The following ABTB2 variants were observed in gnomAD, a reference collection of about 807,000 sequenced individuals.
ABTB2 encodes the protein ankyrin repeat and BTB/POZ domain-containing protein 2.
In ABTB2, 56 loss-of-function variants were observed where a neutral mutation model predicts 104.1. That is an observed-to-expected ratio of 0.54 (90% confidence interval 0.43 to 0.67). ABTB2 has a LOEUF of 0.67. ABTB2 is among the 30% of genes least tolerant of loss of function. The pLI is 0.00. For missense variants in ABTB2, 1,279 were observed against 1,407.7 expected (o/e 0.91, Z 1.46); for synonymous variants, 606 against 608.2 (o/e 1.00, Z 0.05).
intron 1 of ABTB2, among the ~76,000 whole-genome samples, chr11:34,288,861 T>C (rs1854534760): frequency 6.6e-6 from 1 of 152,204 alleles, no homozygotes; most frequent in African/African-American, 2.4e-5. Flanking sequence ...TGGACGTTCC[T>C]GCATCTGGTC....
chr11:34,282,620 A>T (rs1056828243), intron 1 of ABTB2, among the ~76,000 whole-genome samples: 1 of 150,524 alleles, frequency 6.6e-6, no homozygotes, highest in Non-Finnish European at 1.5e-5. Context: ...TCCACCTCCC[A>T]GGTTCAGGTA....
chr11:34,172,480 A>G (rs1852897121), intron 4 of ABTB2, among the ~76,000 whole-genome samples: 1 of 150,302 alleles, frequency 6.7e-6, no homozygotes, highest in Admixed American at 6.7e-5. Context: ...ATAGATAGAT[A>G]GATAAAAGGC....
chr11:34,296,824 C>T (rs1202529837), intron 1 of ABTB2, among the ~76,000 whole-genome samples: 2 of 152,210 alleles, frequency 1.3e-5, no homozygotes, highest in African/African-American at 2.4e-5. Flanking sequence ...CATATCTAGA[C>T]ATTGCAGAAA....
intron 1 of ABTB2, among the ~76,000 whole-genome samples, chr11:34,347,955 G>C (rs924658984): frequency 6.6e-6 from 1 of 152,140 alleles, no homozygotes; most frequent in African/African-American, 2.4e-5. Flanking sequence ...TCCTGCTTTG[G>C]CAAGAGTCGA....
chr11:34,179,430 A>T (rs1852998312), intron 3 of ABTB2, among the ~76,000 whole-genome samples: 2 of 152,200 alleles, frequency 1.3e-5, no homozygotes, highest in Non-Finnish European at 2.9e-5. Context: ...GATGGCTAGG[A>T]CAAAGCTGGT....
At chr11:34,324,922 C>T (rs1855050958) in intron 1 of ABTB2, among the ~76,000 whole-genome samples, 2 of 152,246 alleles carry the variant, frequency 1.3e-5, no homozygotes, top group Non-Finnish European at 2.9e-5. Context: ...TCAGAGTCCA[C>T]ATCTGAAAAG....
chr11:34,216,871 T>A (rs201202500), intron 1 of ABTB2, among the ~76,000 whole-genome samples: 1 of 152,104 alleles, frequency 6.6e-6, no homozygotes, highest in Non-Finnish European at 1.5e-5. Context: ...CTAAAACAGG[T>A]CCCGGGCAGA....
At chr11:34,313,670 G>C (rs1854885809) in intron 1 of ABTB2, among the ~76,000 whole-genome samples, 1 of 152,158 alleles carries the variant, frequency 6.6e-6, no homozygotes, top group Non-Finnish European at 1.5e-5. Context: ...ACGAAAGTGG[G>C]AGAGATGCCA....
chr11:34,165,267 A>T lies in ABTB2; in HGVS notation c.1845T>A (p.Ser615=), dbSNP rs1852781944. Residue 615 remains serine (S), a synonymous_variant, in exon 8 of 17, where the codon TCT becomes TCA. Coordinates refer to ENST00000435224, the MANE Select transcript of ABTB2 (RefSeq NM_145804.3). ...SYAETPLQLA[S]AAGNYELVSL... Reference sequence around the variant, plus strand: ...CGGGTAGCAGGTGCCTACCTGCCGCAGAGGCCAGCTGCAGGGGCGTCTCCG... The same window carrying T: ...CGGGTAGCAGGTGCCTACCTGCCGCTGAGGCCAGCTGCAGGGGCGTCTCCG... The T allele has an allele frequency of 2.6e-6, 4 of 1,553,076 alleles. No homozygotes were observed. Among genetic ancestry groups the T allele is most frequent in the Non-Finnish European group, 3.5e-6 (4 of 1,148,382 alleles).
rs373741229 is a variant in ABTB2, at chr11:34,343,756, G to C, written c.883+12945C>G. On this transcript the variant is annotated intron_variant, in intron 1 of 16. Transcript: ENST00000435224. ...CCCAAAGCGTTGGGATTACAGGCTT[G>C]AGCCACCATGCCTGGCTGACACTTT... Among the ~76,000 whole-genome samples, 17 of 152,274 alleles carry C rather than the reference G, an allele frequency of 1.1e-4. No individual in the cohort carries two copies. The East Asian group carries it at 2.7e-3, about 24-fold the overall frequency.
chr11:34,303,831 C>G lies in ABTB2; in HGVS notation c.883+52870G>C, dbSNP rs982064570. Among the ~76,000 whole-genome samples the G allele has an allele frequency of 4.6e-5, 7 of 151,718 alleles. 1 individual carries two copies. Among genetic ancestry groups the G allele is most frequent in the Admixed American group, 4.6e-4 (7 of 15,204 alleles). ...CTAATTTTTGTATTTTTAGTAGAGA[C>G]GGGATTTCACCATGTTGGCCAGGCT... is the stretch of plus-strand genomic sequence containing the variant. On this transcript the variant is annotated intron_variant, in intron 1 of 16. Transcript: ENST00000435224.
chr11:34,299,935 A>C (rs777463639), intron 1 of ABTB2, among the ~76,000 whole-genome samples: 1 of 152,174 alleles, frequency 6.6e-6, no homozygotes, highest in Non-Finnish European at 1.5e-5. Context: ...TGGGAATAAC[A>C]CTGCTGCCTC....
chr11:34,350,531 C>T (rs557878843), intron 1 of ABTB2, among the ~76,000 whole-genome samples: 3 of 152,306 alleles, frequency 2.0e-5, no homozygotes, highest in South Asian at 2.1e-4. Flanking sequence ...AATAATGGCT[C>T]TTTAAAATCA....
At chr11:34,193,622 G>T (rs889900656) in intron 3 of ABTB2, among the ~76,000 whole-genome samples, 1 of 152,244 alleles carries the variant, frequency 6.6e-6, no homozygotes, top group Non-Finnish European at 1.5e-5. Context: ...CAAACTTGCT[G>T]AAGTTCTTTG....
At chr11:34,331,156 G>T (rs911037898) in intron 1 of ABTB2, among the ~76,000 whole-genome samples, 3 of 152,180 alleles carry the variant, frequency 2.0e-5, no homozygotes, top group Non-Finnish European at 4.4e-5. Context: ...TTCCTTCCAC[G>T]TGTTGAAGAA....
At chr11:34,165,143 C>A in intron 8 of ABTB2, 117 bp downstream of exon 8, 1 of 983,162 alleles carries the variant, frequency 1.0e-6, no homozygotes, top group Non-Finnish European at 1.5e-6. Flanking sequence ...GTTTTAAGGC[C>A]CCTGCATGGG....
chr11:34,269,517 T>C (rs975365199), intron 1 of ABTB2, among the ~76,000 whole-genome samples: 1 of 152,194 alleles, frequency 6.6e-6, no homozygotes, highest in African/African-American at 2.4e-5. Context: ...GCAAATACTT[T>C]ATGCTTTGTG....
chr11:34,351,065 C>A (rs1363873126), intron 1 of ABTB2, among the ~76,000 whole-genome samples: 1 of 152,174 alleles, frequency 6.6e-6, no homozygotes, highest in Non-Finnish European at 1.5e-5. Flanking sequence ...ACCCACTGAC[C>A]TGTCGGACAA....
intron 4 of ABTB2, among the ~76,000 whole-genome samples, chr11:34,172,437 T>TATAGATAGATAGATAG (rs67334558): frequency 5.4e-4 from 50 of 92,494 alleles, no homozygotes; most frequent in East Asian, 1.7e-3. Context: ...TGTGTGTGTA[T>TATAGATAGATAGATAG]ATAGATAGAT....
Sources: gnomAD v4.1 joint callset for allele counts (sites outside exome capture counted in the v4.1 genomes callset) on GRCh38, gnomAD v4.1.1 for gene constraint, MANE v1.5 for transcripts, NCBI Gene and HGNC (gene_info 2026-07-23, HGNC 2026-07-21) for gene names.